The following LRRC39 variants were observed in gnomAD, a reference collection of about 807,000 sequenced individuals.
LRRC39 encodes the protein leucine rich repeat containing 39, also known as leucine-rich repeat-containing protein 39.
LRRC39 carries 35 observed loss-of-function variants against 39.7 expected under a neutral mutation model. That is an observed-to-expected ratio of 0.88 (90% CI 0.67 to 1.17). The LOEUF (loss-of-function observed/expected upper bound fraction) is 1.17, where lower values mean the gene tolerates loss of function less well. Among genes scored for constraint, LRRC39 ranks in the 50% most tolerant of loss-of-function variants. LRRC39 has a pLI of 0.00. For missense variants in LRRC39, 357 were observed against 385.8 expected (o/e 0.93, Z 0.62); for synonymous variants, 113 against 134.1 (o/e 0.84, Z 1.09).
chr1:100,155,213 T>A lies in LRRC39; in HGVS notation c.660-10A>T. The A allele has an allele frequency of 6.4e-7, 1 of 1,570,394 alleles. No individual in the cohort carries two copies. The highest frequency in any genetic ancestry group is 1.2e-5 in the South Asian group (1 of 83,462). On this transcript the variant is annotated splice_polypyrimidine_tract_variant and intron_variant, in intron 7 of 9. Coordinates refer to ENST00000370137, the MANE Select transcript of LRRC39 (RefSeq NM_144620.4). The stretch of plus-strand genomic sequence containing the variant: ...ATGTAGATTTTGCATTCTGAAAAAT[T>A]AAGGTTTCTACAATTAATTACATAT...
At chr1:100,162,859 G>A (rs1458297735) in intron 3 of LRRC39, among the ~76,000 whole-genome samples, 2 of 152,130 alleles carry the variant, frequency 1.3e-5, no homozygotes, top group African/African-American at 4.8e-5. Flanking sequence ...GACATTCTGA[G>A]AGTTAATACA....
At chr1:100,151,360 C>G (rs1032619719) in intron 9 of LRRC39, among the ~76,000 whole-genome samples, 1 of 152,196 alleles carries the variant, frequency 6.6e-6, no homozygotes, top group South Asian at 2.1e-4. Flanking sequence ...CTTTCCAAAA[C>G]TAGGTCACAA....
intron 8 of LRRC39, 137 bp downstream of exon 8, chr1:100,154,914 A>G: frequency 1.4e-6 from 1 of 733,744 alleles, no homozygotes; most frequent in South Asian, 2.9e-5. Context: ...TAGAATGTCA[A>G]CATTGGAAAA....
chr1:100,165,356 GA>G (rs1659170455), intron 3 of LRRC39, among the ~76,000 whole-genome samples: 3 of 152,134 alleles, frequency 2.0e-5, no homozygotes, highest in Non-Finnish European at 4.4e-5. Flanking sequence ...TTCCTATATA[GA>G]GAACTTCTGA....
chr1:100,151,983 A>T (rs1276063803), intron 9 of LRRC39, among the ~76,000 whole-genome samples: 1 of 151,966 alleles, frequency 6.6e-6, no homozygotes, highest in Non-Finnish European at 1.5e-5. Flanking sequence ...ACAAACAAAA[A>T]ACTGTGTTCT....
intron 3 of LRRC39, among the ~76,000 whole-genome samples, chr1:100,161,908 A>G (rs949862668): frequency 6.6e-6 from 1 of 152,128 alleles, no homozygotes; most frequent in African/African-American, 2.4e-5. Flanking sequence ...TGGCCACCCA[A>G]AGTGCTGGGA....
chr1:100,160,357 A>G, intron 4 of LRRC39, 109 bp downstream of exon 4: 1 of 663,030 alleles, frequency 1.5e-6, no homozygotes, highest in Non-Finnish European at 2.4e-6. Context: ...TGTATTATTA[A>G]AATTAGTTTC....
Position 100,158,296 on chromosome 1 carries a change from T to G in LRRC39, c.448A>C (p.Asn150His), listed in dbSNP as rs1426337728. The G allele has an allele frequency of 6.2e-7, 1 of 1,614,072 alleles. No homozygotes were observed. Among genetic ancestry groups the G allele is most frequent in the Admixed American group, 1.7e-5 (1 of 60,034 alleles). ...TCTAGTTTCTCCAAGCTGGCACAAT[T>G]ACTTAGTTCCTTGGGGACAGTCTTG... ...KIKTVPKELSNCASLEKLELA... is the reference protein window; with the variant it reads ...KIKTVPKELSHCASLEKLELA... The change falls in exon 6 of 10, where the codon AAT becomes CAT. Residue 150 changes from asparagine (N) to histidine (H), a missense_variant. Transcript: ENST00000370137.
At chr1:100,149,633 G>A in intron 9 of LRRC39, 4 of 412,272 alleles carry the variant, frequency 9.7e-6, no homozygotes, top group South Asian at 4.1e-5. Flanking sequence ...TCTTCTGTTT[G>A]GGAAAATAAT....
At chr1:100,150,602 T>C (rs183929442) in intron 9 of LRRC39, 5 of 152,320 alleles carry the variant, frequency 3.3e-5, no homozygotes, top group African/African-American at 9.6e-5. Context: ...CTGACAATGG[T>C]ATCAAGTACC....
intron 2 of LRRC39, among the ~76,000 whole-genome samples, chr1:100,171,178 G>C (rs78251564): frequency 6.6e-6 from 1 of 152,128 alleles, no homozygotes; most frequent in African/African-American, 2.4e-5. Context: ...TTTAGCAATT[G>C]GTTGCACAAG....
At chr1:100,172,853 G>A (rs987959849) in intron 2 of LRRC39, among the ~76,000 whole-genome samples, 4 of 151,870 alleles carry the variant, frequency 2.6e-5, no homozygotes, top group Admixed American at 1.3e-4. Flanking sequence ...CCAGCTACTT[G>A]GGAGGCTGAG....
At chr1:100,176,759 G>A (rs1659992918) in intron 1 of LRRC39, among the ~76,000 whole-genome samples, 1 of 152,146 alleles carries the variant, frequency 6.6e-6, no homozygotes, top group Non-Finnish European at 1.5e-5. Flanking sequence ...GCAGAAAACA[G>A]AAATTACATA....
chr1:100,159,579 AAG>A (rs1013788230), intron 4 of LRRC39, among the ~76,000 whole-genome samples, 164 bp from the exon 5 acceptor site: 7 of 147,314 alleles, frequency 4.8e-5, no homozygotes, highest in African/African-American at 1.5e-4. Flanking sequence ...TCCGGATTTT[AAG>A]ATCTTTCCTT....
intron 2 of LRRC39, among the ~76,000 whole-genome samples, chr1:100,168,841 T>C (rs1358991075): frequency 1.3e-5 from 2 of 152,096 alleles, no homozygotes; most frequent in Admixed American, 6.6e-5. Context: ...TCATATCTAA[T>C]ATATGATTCC....
chr1:100,158,005 G>C (rs572834936), intron 6 of LRRC39, among the ~76,000 whole-genome samples: 16 of 152,314 alleles, frequency 1.1e-4, no homozygotes, highest in Admixed American at 7.8e-4. Context: ...GGAGATCACA[G>C]TTTAACAAAT....
At chr1:100,158,021 C>T (rs1257182464) in intron 6 of LRRC39, among the ~76,000 whole-genome samples, 1 of 152,252 alleles carries the variant, frequency 6.6e-6, no homozygotes, top group African/African-American at 2.4e-5. Context: ...CAAATGATGT[C>T]AGTACTGTGA....
chr1:100,162,442 C>A (rs1658951076), intron 3 of LRRC39, among the ~76,000 whole-genome samples: 2 of 151,700 alleles, frequency 1.3e-5, no homozygotes, highest in Admixed American at 6.6e-5. Context: ...AGTTCGAGAC[C>A]ATCCTGGCCA....
intron 1 of LRRC39, among the ~76,000 whole-genome samples, chr1:100,173,596 A>G (rs779373157): frequency 3.9e-5 from 6 of 152,182 alleles, no homozygotes; most frequent in Non-Finnish European, 7.4e-5. Context: ...CTTCCATTCA[A>G]TACTGTATCA....
Sources: gnomAD v4.1 joint callset for allele counts (sites outside exome capture counted in the v4.1 genomes callset) on GRCh38, gnomAD v4.1.1 for gene constraint, MANE v1.5 for transcripts, NCBI Gene and HGNC (gene_info 2026-07-23, HGNC 2026-07-21) for gene names.